TRPM3: variants seen among roughly 807,000 people sequenced by gnomAD.
TRPM3 encodes transient receptor potential cation channel subfamily M member 3.
Under a neutral mutation model 181.2 loss-of-function variants are expected in TRPM3, and 77 were observed. That is an observed-to-expected ratio of 0.42 (90% CI 0.35 to 0.51). TRPM3 has a LOEUF of 0.51. Among genes scored for constraint, TRPM3 ranks in the 20% least tolerant of loss-of-function variants. The probability of loss-of-function intolerance (pLI) is 0.01; values close to 1 mark genes in which losing one functional copy is unlikely to be tolerated. For synonymous variants in TRPM3, 745 were observed against 796.4 expected (o/e 0.94, Z 1.09); for missense variants, 1,759 against 2,196.7 (o/e 0.80, Z 3.98).
chr9:70,853,295 A>T (rs1438517539), intron 3 of TRPM3, among the ~76,000 whole-genome samples: 1 of 152,178 alleles, frequency 6.6e-6, no homozygotes, highest in East Asian at 1.9e-4. Context: ...GTGGCTCTAG[A>T]TGGGGCTGTT....
At chr9:71,427,695 G>T (rs997455269) in intron 1 of TRPM3, among the ~76,000 whole-genome samples, 2 of 152,118 alleles carry the variant, frequency 1.3e-5, no homozygotes, top group African/African-American at 4.8e-5. Context: ...CACCAAGTGC[G>T]AGCTAAACAT....
intron 1 of TRPM3, among the ~76,000 whole-genome samples, chr9:71,279,950 A>G (rs1041657369): frequency 1.3e-5 from 2 of 151,954 alleles, no homozygotes; most frequent in African/African-American, 4.8e-5. Context: ...GTGGTGGCAC[A>G]TGACTGTCAT....
At position 70,761,667 on chromosome 9, in the gene TRPM3, T is replaced by C; in HGVS notation, c.1206A>G (p.Thr402=). The C allele has an allele frequency of 6.2e-7, 1 of 1,613,942 alleles. No individual in the cohort carries two copies. The highest frequency in any genetic ancestry group is 8.5e-7 in the Non-Finnish European group (1 of 1,179,910). ...GATGCTGAGCTTGGGTTCGAGTGTA[T>C]GTGAAAGTCTTCTGTATAGTCACCA... ...QLLVTIQKTF[T]YTRTQAQHLF... Residue 402 remains threonine (T), a synonymous_variant, in exon 8 of 26, where the codon ACA becomes ACG. Coordinates refer to ENST00000677713, the MANE Select transcript of TRPM3 (RefSeq NM_001366145.2).
chr9:71,016,043 AAATTAGCTGGGTGT>A (rs1273654854), intron 1 of TRPM3, among the ~76,000 whole-genome samples: 1 of 151,884 alleles, frequency 6.6e-6, no homozygotes, highest in Non-Finnish European at 1.5e-5. Context: ...AAAAATACAA[AAATTAGCTGGGTGT>A]GGTGGTGCGT....
intron 1 of TRPM3, among the ~76,000 whole-genome samples, chr9:71,002,855 A>G (rs1309313387): frequency 6.6e-6 from 1 of 152,276 alleles, no homozygotes; most frequent in East Asian, 1.9e-4. Flanking sequence ...TAAAACCACA[A>G]TGCTAACATC....
At chr9:71,041,849 G>A (rs1565052154) in intron 1 of TRPM3, among the ~76,000 whole-genome samples, 1 of 152,022 alleles carries the variant, frequency 6.6e-6, no homozygotes, top group Non-Finnish European at 1.5e-5. Context: ...ACTTTACCCT[G>A]GACAGGCCAG....
chr9:71,350,031 TAAA>T (rs1406386596), intron 1 of TRPM3, among the ~76,000 whole-genome samples: 35 of 149,252 alleles, frequency 2.3e-4, no homozygotes, highest in Middle Eastern at 3.6e-3. Context: ...GTGTAGAAGT[TAAA>T]AAATTAACAT....
chr9:70,979,600 G>C (rs1238064319), intron 1 of TRPM3, among the ~76,000 whole-genome samples: 1 of 152,132 alleles, frequency 6.6e-6, no homozygotes, highest in Non-Finnish European at 1.5e-5. Flanking sequence ...TCCTTGCCTT[G>C]TGGGAGTTTT....
chr9:70,891,453 C>G (rs1353373662), intron 1 of TRPM3, among the ~76,000 whole-genome samples: 7 of 152,070 alleles, frequency 4.6e-5, no homozygotes, highest in Admixed American at 3.3e-4. Flanking sequence ...GAAAAAGATG[C>G]TTTTAGAGCT....
chr9:71,064,913 G>A (rs987781760), intron 1 of TRPM3, among the ~76,000 whole-genome samples: 1 of 152,102 alleles, frequency 6.6e-6, no homozygotes, highest in Non-Finnish European at 1.5e-5. Flanking sequence ...AGTGTCTGGG[G>A]TAGGTTGTGG....
chr9:70,606,274 C>A (rs151298458), intron 19 of TRPM3, among the ~76,000 whole-genome samples: 5 of 152,282 alleles, frequency 3.3e-5, no homozygotes, highest in African/African-American at 9.6e-5. Context: ...TTCTGTTATT[C>A]TTTTTGTCTC....
intron 1 of TRPM3, among the ~76,000 whole-genome samples, chr9:71,256,064 A>G (rs1423708572): frequency 6.6e-6 from 1 of 152,214 alleles, no homozygotes; most frequent in Non-Finnish European, 1.5e-5. Context: ...AGGCCATTCT[A>G]TCTCTTTTCT....
chr9:70,961,075 T>C (rs1425331990), intron 1 of TRPM3, among the ~76,000 whole-genome samples: 1 of 152,114 alleles, frequency 6.6e-6, no homozygotes, highest in African/African-American at 2.4e-5. Flanking sequence ...AATTACAACA[T>C]AAGGAGAAGA....
At chr9:71,071,868 A>C (rs951524587) in intron 1 of TRPM3, among the ~76,000 whole-genome samples, 1 of 152,224 alleles carries the variant, frequency 6.6e-6, no homozygotes, top group Non-Finnish European at 1.5e-5. Context: ...TGGTTCACAT[A>C]GAGGGAATCA....
At chr9:70,974,734 T>A (rs1162770641) in intron 1 of TRPM3, among the ~76,000 whole-genome samples, 1 of 76,322 alleles carries the variant, frequency 1.3e-5, no homozygotes, top group Non-Finnish European at 2.9e-5. Flanking sequence ...ATCTCAAAAA[T>A]AATAATAATA....
chr9:70,917,113 T>C, intron 1 of TRPM3: 1 of 1,603,766 alleles, frequency 6.2e-7, no homozygotes, highest in Non-Finnish European at 8.5e-7. Flanking sequence ...TGTAACACAT[T>C]TCCATAGGGG....
In TRPM3 at chr9:70,895,380, G is replaced by A. The variant is rs115276454; in HGVS notation, c.178-30869C>T. Among the ~76,000 whole-genome samples, 422 of 152,288 alleles carry A rather than the reference G, an allele frequency of 2.8e-3. 2 individuals carry two copies. Among genetic ancestry groups the A allele is most frequent in the African/African-American group, 9.6e-3 (399 of 41,546 alleles). On this transcript the variant is annotated intron_variant, in intron 1 of 25. Coordinates refer to ENST00000677713, the MANE Select transcript of TRPM3 (RefSeq NM_001366145.2). Reference sequence around the variant, plus strand: ...AGCTTACACTTTGCTGAAATCTAAAGGGACACAATAATTGTGCACACATCT... The same window carrying A: ...AGCTTACACTTTGCTGAAATCTAAAAGGACACAATAATTGTGCACACATCT...
chr9:71,023,366 C>T (rs1038429746), intron 1 of TRPM3, among the ~76,000 whole-genome samples: 4 of 151,994 alleles, frequency 2.6e-5, no homozygotes, highest in South Asian at 2.1e-4. Flanking sequence ...GGAGAAAAAC[C>T]GGGATTCATT....
At chr9:71,042,783 A>C (rs1199986648) in intron 1 of TRPM3, among the ~76,000 whole-genome samples, 2 of 152,200 alleles carry the variant, frequency 1.3e-5, no homozygotes, top group Non-Finnish European at 2.9e-5. Flanking sequence ...GAGTCCTTAA[A>C]AGGTTTTGAA....
Sources: allele counts gnomAD v4.1 joint callset (sites outside exome capture counted in the v4.1 genomes callset), GRCh38; gene constraint gnomAD v4.1.1; transcripts MANE v1.5; gene names NCBI Gene and HGNC (gene_info 2026-07-23, HGNC 2026-07-21).